The following ESRRB variants were observed in gnomAD, a reference collection of about 807,000 sequenced individuals.
ESRRB encodes the protein steroid hormone receptor ERR2.
In ESRRB, 16 loss-of-function variants were observed where a neutral mutation model predicts 46.0. The ratio of observed to expected loss-of-function variants is 0.35; its 90% CI spans 0.24 to 0.53. The LOEUF is 0.53. Ranked by LOEUF, ESRRB falls within the 20% of genes least tolerant of loss-of-function variation. The pLI is 0.93. For synonymous variants in ESRRB, 246 were observed against 259.6 expected (o/e 0.95, Z 0.50); for missense variants, 488 against 607.4 (o/e 0.80, Z 2.07).
rs563529004 is a variant in ESRRB at position 76,378,339 on chromosome 14, A to T, written c.50+1888A>T. On this transcript the variant is annotated intron_variant, in intron 1 of 6. Coordinates refer to ENST00000644823, the MANE Select transcript of ESRRB (RefSeq NM_001379180.1). ...ATTCATCGAGTTGACGGCAGCCCTG[A>T]CTGGAGTTTGAGGAGAAATATGGGC... is the stretch of plus-strand genomic sequence containing the variant. Among the ~76,000 whole-genome samples the T allele has an allele frequency of 5.3e-5, 8 of 152,294 alleles. No individual in the cohort carries two copies. In the South Asian group the frequency reaches 1.7e-3, roughly 32 times the overall value.
chr14:76,463,445 G>GTTTTGTTTTTTTT (rs1555342250), intron 3 of ESRRB: 39 of 114,738 alleles, frequency 3.4e-4, no homozygotes, highest in African/African-American at 1.4e-3. Context: ...ATGCTTCTTT[G>GTTTTGTTTTTTTT]TTTTTTTTTT....
At chr14:76,352,741 T>C (rs1884328348) in intron 1 of ESRRB, among the ~76,000 whole-genome samples, 1 of 152,232 alleles carries the variant, frequency 6.6e-6, no homozygotes, top group Non-Finnish European at 1.5e-5. Flanking sequence ...ATTACTAGTG[T>C]AACTTTTCTA....
chr14:76,443,108 G>A (rs1302286198), intron 2 of ESRRB, among the ~76,000 whole-genome samples: 2 of 151,812 alleles, frequency 1.3e-5, no homozygotes, highest in Non-Finnish European at 2.9e-5. Context: ...GAGCCACCGC[G>A]CCCGGTCATA....
intron 1 of ESRRB, among the ~76,000 whole-genome samples, chr14:76,387,110 A>G (rs1885263520): frequency 6.6e-6 from 1 of 152,114 alleles, no homozygotes; most frequent in South Asian, 2.1e-4. Context: ...GGCTGAGGGG[A>G]AGCAGCCCAA....
chr14:76,481,886 G>A, intron 3 of ESRRB, 130 bp from the exon 4 acceptor site: 3 of 807,354 alleles, frequency 3.7e-6, no homozygotes, highest in Non-Finnish European at 6.4e-6. Context: ...GGCTGGCCGT[G>A]GGGCAGCTGT....
chr14:76,399,529 G>A (rs1187963119), intron 1 of ESRRB, among the ~76,000 whole-genome samples: 1 of 152,140 alleles, frequency 6.6e-6, no homozygotes, highest in Non-Finnish European at 1.5e-5. Flanking sequence ...CTCGCTGATG[G>A]CAAGTCTCCT....
In ESRRB at chr14:76,498,488, A is replaced by G; in HGVS notation, c.*30A>G. On this transcript the variant is annotated 3_prime_UTR_variant, in exon 7 of 7. Transcript: ENST00000644823. The stretch of plus-strand genomic sequence containing the variant: ...CCCGCACACGGACCAATGCCCACCT[A>G]CAGACAGACAAACGGACAGACCGAG... 1.2e-6 allele frequency: 2 copies of G among 1,612,906 alleles called. No homozygotes were observed. The highest frequency in any genetic ancestry group is 1.7e-6 in the Non-Finnish European group (2 of 1,179,992).
intron 1 of ESRRB, among the ~76,000 whole-genome samples, chr14:76,345,758 G>T (rs1884242322): frequency 6.6e-6 from 1 of 152,240 alleles, no homozygotes; most frequent in Non-Finnish European, 1.5e-5. Flanking sequence ...TAGAGGAGGA[G>T]TTGCAGAGTA....
At chr14:76,380,624 G>A (rs1024687408) in intron 1 of ESRRB, among the ~76,000 whole-genome samples, 3 of 152,184 alleles carry the variant, frequency 2.0e-5, no homozygotes, top group Non-Finnish European at 4.4e-5. Flanking sequence ...TCTGAAGTGA[G>A]ACCCTCGTAA....
At chr14:76,393,967 A>ATTTTTTT (rs71122531) in intron 1 of ESRRB, among the ~76,000 whole-genome samples, 3,353 of 126,614 alleles carry the variant, frequency 0.026, 63 homozygotes, top group Admixed American at 0.053. Context: ...TGCCTGGCTA[A>ATTTTTTT]TTTTTTTTTT....
chr14:76,318,232 A>G (rs1883824984), intron 1 of ESRRB, among the ~76,000 whole-genome samples: 2 of 152,110 alleles, frequency 1.3e-5, no homozygotes, highest in South Asian at 4.2e-4. Flanking sequence ...AGGTTTGCTA[A>G]AAGTCCTTTA....
rs1884788809 is a variant in ESRRB, at chr14:76,376,874, A to G, written c.50+423A>G. Among the ~76,000 whole-genome samples, 1 of 151,998 alleles carries G rather than the reference A, an allele frequency of 6.6e-6. No homozygotes were observed. Among genetic ancestry groups the G allele is most frequent in the South Asian group, 2.1e-4 (1 of 4,800 alleles). ...GCCTTTCCCGCGGGCGCTTTGTTTT[A>G]TTATTTCCATCCTGGGGACCAAAAA... is the stretch of plus-strand genomic sequence containing the variant. On this transcript the variant is annotated intron_variant, in intron 1 of 6. Transcript: ENST00000644823. The surrounding 1 kb of genome is among the most constrained non-coding windows in gnomAD (Gnocchi z 4.1).
chr14:76,490,310 ACT>A (rs1050788031), intron 5 of ESRRB, among the ~76,000 whole-genome samples: 1 of 151,814 alleles, frequency 6.6e-6, no homozygotes, highest in African/African-American at 2.4e-5. Flanking sequence ...TTATTTACTT[ACT>A]CTCTCTTACT....
At chr14:76,422,357 C>G (rs966386249) in intron 1 of ESRRB, among the ~76,000 whole-genome samples, 9 of 151,954 alleles carry the variant, frequency 5.9e-5, no homozygotes, top group Admixed American at 4.6e-4. Context: ...ACTACAGGCA[C>G]GTGCCACCAC....
intron 5 of ESRRB, among the ~76,000 whole-genome samples, chr14:76,490,774 C>T (rs1244003494): frequency 3.9e-5 from 6 of 152,230 alleles, no homozygotes; most frequent in East Asian, 1.9e-4. Flanking sequence ...GCTGGGTCAT[C>T]GTTAAGCAGA....
intron 1 of ESRRB, among the ~76,000 whole-genome samples, chr14:76,392,717 G>T (rs1207305852): frequency 6.6e-6 from 1 of 152,242 alleles, no homozygotes; most frequent in African/African-American, 2.4e-5. Flanking sequence ...GTGGCTCGGG[G>T]GCTGCCACCA....
intron 1 of ESRRB, among the ~76,000 whole-genome samples, chr14:76,422,886 T>A (rs751310289): frequency 7.9e-5 from 12 of 152,146 alleles, no homozygotes; most frequent in Non-Finnish European, 1.8e-4. Context: ...CCGTGAAACA[T>A]TTTTGTTTAC....
At chr14:76,380,622 G>A (rs1013769376) in intron 1 of ESRRB, among the ~76,000 whole-genome samples, 1 of 152,176 alleles carries the variant, frequency 6.6e-6, no homozygotes, top group Non-Finnish European at 1.5e-5. Flanking sequence ...TTTCTGAAGT[G>A]AGACCCTCGT....
intron 5 of ESRRB, among the ~76,000 whole-genome samples, chr14:76,487,256 C>G (rs538424363): frequency 1.3e-5 from 2 of 152,254 alleles, no homozygotes; most frequent in South Asian, 2.1e-4. Context: ...TCTGAACAAC[C>G]CCATGAGGTG....
Sources: allele counts gnomAD v4.1 joint callset (sites outside exome capture counted in the v4.1 genomes callset), GRCh38; gene constraint gnomAD v4.1.1; non-coding constraint Gnocchi (gnomAD v3.1); transcripts MANE v1.5; gene names NCBI Gene and HGNC (gene_info 2026-07-23, HGNC 2026-07-21).